The following RGS6 variants were observed in gnomAD, a reference collection of about 807,000 sequenced individuals.
RGS6 encodes regulator of G-protein signaling 6.
RGS6 carries 30 observed loss-of-function variants against 78.5 expected under a neutral mutation model. The ratio of observed to expected loss-of-function variants is 0.38; its 90% CI spans 0.29 to 0.52. The LOEUF (loss-of-function observed/expected upper bound fraction) is 0.52. Ranked by LOEUF, RGS6 falls within the 20% of genes least tolerant of loss-of-function variation. The probability of loss-of-function intolerance (pLI) is 0.85; values close to 1 mark genes in which losing one functional copy is unlikely to be tolerated. For missense variants in RGS6, 495 were observed against 609.7 expected (o/e 0.81, Z 1.98); for synonymous variants, 206 against 206.0 (o/e 1.00, Z 0.00).
At chr14:72,299,910 G>A (rs2065690249) in intron 2 of RGS6, among the ~76,000 whole-genome samples, 2 of 152,018 alleles carry the variant, frequency 1.3e-5, no homozygotes, top group Admixed American at 1.3e-4. Flanking sequence ...GTCTAAATAG[G>A]AGTTTATAAA....
intron 14 of RGS6, among the ~76,000 whole-genome samples, chr14:72,513,385 T>TG (rs1196721226): frequency 6.6e-6 from 1 of 151,804 alleles, no homozygotes; most frequent in Non-Finnish European, 1.5e-5. Context: ...GAGATGAGGG[T>TG]GGGGGCATCA....
rs111773504 is a variant in RGS6 at position 72,358,248 on chromosome 14, G to C, written c.184+6054G>C. ...GCCTCTGCTAGAACAGTGCAGAAGG[G>C]AAATGTGGGGTTGGAGTCCCCACAC... On this transcript the variant is annotated intron_variant, in intron 3 of 17. Coordinates refer to ENST00000553525, the MANE Select transcript of RGS6 (RefSeq NM_001204424.2). 6.0e-3 allele frequency among the ~76,000 whole-genome samples: 909 copies of C among 152,330 alleles called. 4 individuals are homozygous for C. Among genetic ancestry groups the C allele is most frequent in the Non-Finnish European group, 9.8e-3 (667 of 68,024 alleles).
chr14:72,515,634 C>G (rs576689644), intron 14 of RGS6: 2 of 152,374 alleles, frequency 1.3e-5, no homozygotes, highest in Admixed American at 1.3e-4. Context: ...CCACTGCACT[C>G]CAGTTTGGGT....
At chr14:72,518,143 A>C (rs2096978539) in intron 14 of RGS6, among the ~76,000 whole-genome samples, 4 of 152,232 alleles carry the variant, frequency 2.6e-5, no homozygotes, top group Admixed American at 2.6e-4. Flanking sequence ...TTGATCTTTT[A>C]ATATGCAATT....
chr14:72,516,636 T>C (rs2096948624), intron 14 of RGS6, among the ~76,000 whole-genome samples: 2 of 152,192 alleles, frequency 1.3e-5, no homozygotes, highest in African/African-American at 2.4e-5. Flanking sequence ...GGGCCAGCAT[T>C]GAGCCTGTGG....
intron 2 of RGS6, among the ~76,000 whole-genome samples, chr14:72,021,128 T>C (rs1405977390): frequency 6.6e-6 from 1 of 152,246 alleles, no homozygotes. Context: ...GCTCTAGGTC[T>C]GAACCCTGAT....
chr14:72,626,973 G>C, the RGS6 span, among the ~76,000 whole-genome samples: 7 of 150,874 alleles, frequency 4.6e-5, no homozygotes, highest in South Asian at 1.5e-3. Flanking sequence ...ATCTTTTGTG[G>C]GTTGTCTTTC....
intron 3 of RGS6, among the ~76,000 whole-genome samples, chr14:72,389,828 A>G (rs1314527229): frequency 1.2e-4 from 19 of 152,224 alleles, no homozygotes; most frequent in Admixed American, 1.2e-3. Flanking sequence ...GTAAATTAAT[A>G]AAGTTGAAGT....
At chr14:72,602,629 A>G in the RGS6 span, among the ~76,000 whole-genome samples, 3 of 152,210 alleles carry the variant, frequency 2.0e-5, no homozygotes, top group African/African-American at 7.2e-5. Flanking sequence ...GGATCACCGA[A>G]GGTTAGAGCC....
chr14:71,881,811 G>A, the RGS6 span, among the ~76,000 whole-genome samples: 6 of 152,138 alleles, frequency 3.9e-5, no homozygotes, highest in South Asian at 8.3e-4. Flanking sequence ...CAAACTAAAG[G>A]TGTATCTGAC....
chr14:72,091,749 T>C (rs2095275322), intron 2 of RGS6, among the ~76,000 whole-genome samples: 1 of 152,190 alleles, frequency 6.6e-6, no homozygotes, highest in South Asian at 2.1e-4. Context: ...AATCGTTTTC[T>C]GCAGGCTCCT....
At chr14:72,171,218 A>G (rs116764296) in intron 2 of RGS6, among the ~76,000 whole-genome samples, 1,709 of 152,286 alleles carry the variant, frequency 0.011, 27 homozygotes, top group African/African-American at 0.038. Context: ...GCATGCGTAC[A>G]TATGCACAGA....
At position 71,948,156 on chromosome 14, in the gene RGS6, GAGA is replaced by G. The variant is rs970998062; in HGVS notation, c.-21+15225_-21+15227del. Among the ~76,000 whole-genome samples the G allele has an allele frequency of 4.6e-5, 7 of 152,162 alleles. No individual in the cohort carries two copies. In the South Asian group the frequency reaches 6.2e-4, roughly 14 times the overall value. On this transcript the variant is annotated intron_variant, in intron 1 of 17. Coordinates refer to ENST00000553525, the MANE Select transcript of RGS6 (RefSeq NM_001204424.2). ...TTGACTTCCTCCTTCTATGGCACGA[GAGA>G]AGAAGAAGATGGTCACTAATATTTC...
At chr14:72,487,540 A>G (rs2096510959) in intron 12 of RGS6, among the ~76,000 whole-genome samples, 1 of 152,224 alleles carries the variant, frequency 6.6e-6, no homozygotes, top group Non-Finnish European at 1.5e-5. Flanking sequence ...CAGCATAATC[A>G]CAGGTTCCCG....
chr14:71,898,494 A>G, the RGS6 span, among the ~76,000 whole-genome samples: 1 of 152,210 alleles, frequency 6.6e-6, no homozygotes, highest in Non-Finnish European at 1.5e-5. Flanking sequence ...TAAAATATGT[A>G]GGTACACTTT....
chr14:72,535,265 C>T (rs2097234342), intron 15 of RGS6, among the ~76,000 whole-genome samples: 1 of 152,186 alleles, frequency 6.6e-6, no homozygotes. Context: ...CTTGCTGCAG[C>T]ACCTGCCCCT....
intron 2 of RGS6, among the ~76,000 whole-genome samples, chr14:72,321,716 G>C (rs779241538): frequency 6.6e-6 from 1 of 151,850 alleles, no homozygotes; most frequent in African/African-American, 2.4e-5. Flanking sequence ...CTACCAAAAA[G>C]ATAAGGAAAA....
intron 3 of RGS6, among the ~76,000 whole-genome samples, chr14:72,371,170 A>G (rs1434822558): frequency 6.6e-6 from 1 of 152,174 alleles, no homozygotes; most frequent in Non-Finnish European, 1.5e-5. Context: ...ATTTAAATGT[A>G]TGAATTTTTC....
At chr14:72,026,132 C>T (rs2089794420) in intron 2 of RGS6, among the ~76,000 whole-genome samples, 1 of 152,072 alleles carries the variant, frequency 6.6e-6, no homozygotes, top group Non-Finnish European at 1.5e-5. Flanking sequence ...AGGGGCCGGG[C>T]ATGGTGGCTC....
Sources: allele counts gnomAD v4.1 joint callset (sites outside exome capture counted in the v4.1 genomes callset), GRCh38; gene constraint gnomAD v4.1.1; transcripts MANE v1.5; gene names NCBI Gene and HGNC (gene_info 2026-07-23, HGNC 2026-07-21).